The following MSH4 variants were observed in gnomAD, a reference collection of about 807,000 sequenced individuals.
MSH4 encodes the protein mutS protein homolog 4.
In MSH4, 106 loss-of-function variants were observed where a neutral mutation model predicts 113.7. That is an observed-to-expected ratio of 0.93 (90% CI 0.80 to 1.10). The LOEUF is 1.10. MSH4 is among the 50% of genes least tolerant of loss of function. The pLI is 0.00. For synonymous variants in MSH4, 368 were observed against 380.2 expected (o/e 0.97, Z 0.37); for missense variants, 1,061 against 1,093.7 (o/e 0.97, Z 0.42).
chr1:75,887,238 C>T (rs970257596), intron 15 of MSH4, among the ~76,000 whole-genome samples: 1 of 152,014 alleles, frequency 6.6e-6, no homozygotes, highest in Non-Finnish European at 1.5e-5. Context: ...CTCACAAGAT[C>T]TGATGGTTTA....
At position 75,871,194 on chromosome 1, in the gene MSH4, C is replaced by T. The variant is rs575087998; in HGVS notation, c.1305+3606C>T. On this transcript the variant is annotated intron_variant, in intron 9 of 19. Coordinates refer to ENST00000263187, the MANE Select transcript of MSH4 (RefSeq NM_002440.4). ...GAGGAACTATCACACACTTATAAAACGATCAGATCTGATGAGAACTCACTC... is the reference window on the plus strand; with the variant it reads ...GAGGAACTATCACACACTTATAAAATGATCAGATCTGATGAGAACTCACTC... 3.9e-5 allele frequency among the ~76,000 whole-genome samples: 6 copies of T among 152,158 alleles called. No homozygotes were observed. In the South Asian group the frequency reaches 6.2e-4, roughly 16 times the overall value.
chr1:75,884,536 T>A (rs1357803371), intron 15 of MSH4, among the ~76,000 whole-genome samples: 1 of 152,020 alleles, frequency 6.6e-6, no homozygotes, highest in Non-Finnish European at 1.5e-5. Flanking sequence ...AATTTTTGGT[T>A]GTCACAGCTG....
intron 7 of MSH4, among the ~76,000 whole-genome samples, chr1:75,826,828 G>A (rs994075165): frequency 6.6e-6 from 1 of 152,160 alleles, no homozygotes; most frequent in Non-Finnish European, 1.5e-5. Context: ...CTGAGAGACT[G>A]TTATGAATTC....
rs1263317476 is a variant in MSH4, at chr1:75,836,356, TG to T, written c.1163-11851del. ...TTCTGTTGCCTAGGCTGGAGTGTGGTGGTGCGATTTCAGCTCACTGCAACCT... is the reference window on the plus strand; with the variant it reads ...TTCTGTTGCCTAGGCTGGAGTGTGGTGTGCGATTTCAGCTCACTGCAACCT... On this transcript the variant is annotated intron_variant, in intron 7 of 19. Transcript: ENST00000263187. 2.0e-5 allele frequency among the ~76,000 whole-genome samples: 3 copies of T among 149,468 alleles called. No homozygotes were observed. In the Admixed American group the frequency reaches 2.0e-4, roughly 10 times the overall value.
At chr1:75,815,305 G>A (rs777707077) in intron 5 of MSH4, among the ~76,000 whole-genome samples, 169 bp downstream of exon 5, 2 of 152,036 alleles carry the variant, frequency 1.3e-5, no homozygotes, top group Non-Finnish European at 2.9e-5. Context: ...AAAATTACCT[G>A]GTTCATAATA....
chr1:75,875,381 A>G (rs76647015), intron 9 of MSH4, among the ~76,000 whole-genome samples: 118 of 152,342 alleles, frequency 7.7e-4, no homozygotes, highest in Non-Finnish European at 1.4e-3. Context: ...GAAGATCTAC[A>G]GTTTTTGTTA....
chr1:75,819,587 A>T (rs1045226222), intron 6 of MSH4, among the ~76,000 whole-genome samples: 1 of 152,272 alleles, frequency 6.6e-6, no homozygotes, highest in Non-Finnish European at 1.5e-5. Context: ...AGTGTTTAGC[A>T]TAGAGTTTTG....
At chr1:75,834,169 A>T (rs1388968157) in intron 7 of MSH4, among the ~76,000 whole-genome samples, 1 of 152,264 alleles carries the variant, frequency 6.6e-6, no homozygotes, top group Non-Finnish European at 1.5e-5. Context: ...TCCAACAGAC[A>T]CATGAAAAAG....
intron 8 of MSH4, among the ~76,000 whole-genome samples, chr1:75,864,430 A>G (rs778519712): frequency 1.3e-5 from 2 of 152,194 alleles, no homozygotes; most frequent in Non-Finnish European, 2.9e-5. Flanking sequence ...ACTTTGGTAG[A>G]TAATGCCAAA....
In MSH4 at chr1:75,816,543, A is replaced by T. The variant is rs1490320335; in HGVS notation, c.986A>T (p.Tyr329Phe). ...GAATTGTTAATTAATAATCAAGACT[A>T]TAGGTAAGATCATCCATTTTATTTG... ...NLELLINNQD[Y>F]RNNHTLFGVL... The change falls in exon 6 of 20, where the codon TAT becomes TTT. Residue 329 changes from tyrosine (Y) to phenylalanine (F), a missense_variant. Transcript: ENST00000263187. The T allele has an allele frequency of 6.5e-7, 1 of 1,527,954 alleles. No individual in the cohort carries two copies. Among genetic ancestry groups the T allele is most frequent in the South Asian group, 1.3e-5 (1 of 77,670 alleles). 94.6% of individuals were successfully genotyped at this position (1,527,954 alleles called of 1,614,324 possible).
intron 14 of MSH4, among the ~76,000 whole-genome samples, chr1:75,882,074 G>T (rs1015338233): frequency 1.3e-5 from 2 of 151,874 alleles, no homozygotes; most frequent in Non-Finnish European, 2.9e-5. Flanking sequence ...ACTTTTATGG[G>T]ATGTATCTTA....
In MSH4 at chr1:75,906,476, AATATATACATATTATATATT is replaced by A. The variant is rs1652638780; in HGVS notation, c.2620-6212_2620-6193del. 4.1e-3 allele frequency among the ~76,000 whole-genome samples: 5 copies of A among 1,212 alleles called. 1 individual carries two copies. Among genetic ancestry groups the A allele is most frequent in the Admixed American group, 0.038 (1 of 26 alleles). The allele number at this position is 1,212 out of a possible 152,430, so 0.8% of individuals were successfully genotyped here. ...ATACAATATTATATATATTATATAT[AATATATACATATTATATATT>A]ATATATATATAATATATAATATGTA... On this transcript the variant is annotated intron_variant, in intron 19 of 19. Transcript: ENST00000263187.
chr1:75,853,291 C>T (rs971675773), intron 8 of MSH4, among the ~76,000 whole-genome samples: 2 of 152,138 alleles, frequency 1.3e-5, no homozygotes, highest in Non-Finnish European at 2.9e-5. Context: ...CCTCAAACTC[C>T]TGACCTCAAG....
intron 4 of MSH4, among the ~76,000 whole-genome samples, chr1:75,813,688 A>G (rs748891241): frequency 1.3e-5 from 2 of 150,086 alleles, no homozygotes; most frequent in African/African-American, 2.4e-5. Context: ...TATTATCATT[A>G]TTACTATTAT....
intron 6 of MSH4, among the ~76,000 whole-genome samples, chr1:75,816,886 C>T (rs1216016045): frequency 6.6e-6 from 1 of 152,056 alleles, no homozygotes; most frequent in Non-Finnish European, 1.5e-5. Context: ...CTCAGCCTCC[C>T]AAAGTGCTGG....
chr1:75,809,041 G>A (rs369592512), intron 3 of MSH4, among the ~76,000 whole-genome samples: 2 of 152,186 alleles, frequency 1.3e-5, no homozygotes, highest in African/African-American at 2.4e-5. Context: ...AGGGACCACA[G>A]GCATGCACCA....
chr1:75,814,617 T>C (rs1650258630), intron 4 of MSH4, among the ~76,000 whole-genome samples: 1 of 152,122 alleles, frequency 6.6e-6, no homozygotes, highest in Non-Finnish European at 1.5e-5. Flanking sequence ...TATGGAAAGA[T>C]GAATATAAAA....
intron 13 of MSH4, among the ~76,000 whole-genome samples, chr1:75,880,828 G>A (rs534874317): frequency 2.6e-5 from 4 of 151,902 alleles, no homozygotes; most frequent in Non-Finnish European, 4.4e-5. Flanking sequence ...AAGAAAAAAT[G>A]GATGAGAGAG....
intron 7 of MSH4, among the ~76,000 whole-genome samples, chr1:75,846,435 T>C (rs1044958398): frequency 1.3e-5 from 2 of 152,220 alleles, no homozygotes; most frequent in African/African-American, 4.8e-5. Context: ...CTATGCAACA[T>C]CTTGAATGCT....
Sources: gnomAD v4.1 joint callset for allele counts (sites outside exome capture counted in the v4.1 genomes callset) on GRCh38, gnomAD v4.1.1 for gene constraint, MANE v1.5 for transcripts, NCBI Gene and HGNC (gene_info 2026-07-23, HGNC 2026-07-21) for gene names.